STX8: variants seen among roughly 807,000 people sequenced by gnomAD.
STX8 encodes the protein syntaxin 8.
STX8 carries 23 observed loss-of-function variants against 37.5 expected under a neutral mutation model. The observed-to-expected ratio is 0.61, with a 90% confidence interval of 0.44 to 0.87. The LOEUF is 0.87. STX8 is among the 40% of genes least tolerant of loss of function. The pLI, the probability that STX8 is intolerant of heterozygous loss-of-function variation, is 0.00. For missense variants in STX8, 313 were observed against 284.7 expected (o/e 1.10, Z -0.71); for synonymous variants, 115 against 99.1 (o/e 1.16, Z -0.95).
Position 9,454,504 on chromosome 17 carries a change from C to T in STX8, c.541+37325G>A, listed in dbSNP as rs1000784724. Among the ~76,000 whole-genome samples the T allele has an allele frequency of 7.9e-5, 12 of 151,630 alleles. No individual in the cohort carries two copies. In the East Asian group the frequency reaches 1.9e-3, roughly 25 times the overall value. ...CCATCCTGGCTAACACAGTGAAACC[C>T]CATCTCTACTAAAAAAATACAAAAA... On this transcript the variant is annotated intron_variant, in intron 6 of 7. Transcript: ENST00000306357.
chr17:9,327,295 GAAGA>G (rs138757400), intron 7 of STX8, among the ~76,000 whole-genome samples: 7,842 of 149,864 alleles, frequency 0.052, 681 homozygotes, highest in African/African-American at 0.18. Context: ...GAAAGAAGAA[GAAGA>G]AAGAAAGAAG....
At chr17:9,415,805 A>G (rs910631243) in intron 6 of STX8, among the ~76,000 whole-genome samples, 4 of 152,160 alleles carry the variant, frequency 2.6e-5, no homozygotes, top group Non-Finnish European at 5.9e-5. Flanking sequence ...TTTCTTCTGT[A>G]TCATCTTATC....
chr17:9,431,211 A>AGGGGTT (rs1913956633), intron 6 of STX8, among the ~76,000 whole-genome samples: 1 of 130,850 alleles, frequency 7.6e-6, no homozygotes, highest in South Asian at 2.5e-4. Flanking sequence ...GGGTAGTAGC[A>AGGGGTT]TTTTTGTTGT....
In STX8 at chr17:9,296,999, A is replaced by C. The variant is rs537704045; in HGVS notation, c.644-46354T>G. Among the ~76,000 whole-genome samples the C allele has an allele frequency of 5.9e-5, 9 of 152,338 alleles. No homozygotes were observed. In the South Asian group the frequency reaches 1.7e-3, roughly 28 times the overall value. On this transcript the variant is annotated intron_variant, in intron 7 of 7. Coordinates refer to ENST00000306357, the MANE Select transcript of STX8 (RefSeq NM_004853.3). Reference sequence around the variant, plus strand: ...GTCAAGAGACAAGCTCAATGAATTTACTAGTTGCCTTATCTTGTAAATGGG... The same window carrying C: ...GTCAAGAGACAAGCTCAATGAATTTCCTAGTTGCCTTATCTTGTAAATGGG...
At chr17:9,424,146 T>C (rs113139403) in intron 6 of STX8, among the ~76,000 whole-genome samples, 3 of 152,138 alleles carry the variant, frequency 2.0e-5, no homozygotes, top group African/African-American at 7.2e-5. Flanking sequence ...ACACCTTGGG[T>C]TCCCTGGCTG....
In STX8 at chr17:9,491,898, G is replaced by C. The variant is rs746265625; in HGVS notation, c.472C>G (p.Leu158Val). The change falls in exon 6 of 8, where the codon CTT (leucine) becomes GTT (valine). Residue 158 changes from leucine (L) to valine (V), a missense_variant. By Grantham distance (32) the Leu-to-Val change is conservative. Transcript: ENST00000306357. ...TTTTGGCGACTTATGATAGAGGAAA[G>C]GGCATCAAGGCCTGCGTCCTGTTCT... is the stretch of plus-strand genomic sequence containing the variant. ...IQEQDAGLDA[L>V]SSIISRQKQM... is the part of the protein sequence containing the mutation. 6.8e-6 allele frequency: 11 copies of C among 1,613,010 alleles called. No homozygotes were observed. Among genetic ancestry groups the C allele is most frequent in the East Asian group, 4.5e-5 (2 of 44,860 alleles).
At chr17:9,416,114 G>C (rs1055187816) in intron 6 of STX8, among the ~76,000 whole-genome samples, 3 of 152,160 alleles carry the variant, frequency 2.0e-5, no homozygotes, top group Admixed American at 6.5e-5. Context: ...AAGGTTTCCT[G>C]TTACCTTACA....
intron 4 of STX8, among the ~76,000 whole-genome samples, chr17:9,530,714 C>T (rs891015751): frequency 2.0e-5 from 3 of 152,202 alleles, no homozygotes; most frequent in Non-Finnish European, 4.4e-5. Flanking sequence ...AGATACATTT[C>T]CTATGTCAAA....
chr17:9,471,914 C>T (rs1449429271), intron 6 of STX8, among the ~76,000 whole-genome samples: 3 of 152,128 alleles, frequency 2.0e-5, no homozygotes, highest in East Asian at 1.9e-4. Context: ...AGTCCATTCC[C>T]GCTATTCACA....
intron 5 of STX8, among the ~76,000 whole-genome samples, chr17:9,498,873 G>A (rs1045055344): frequency 2.6e-5 from 4 of 152,212 alleles, no homozygotes; most frequent in Non-Finnish European, 4.4e-5. Context: ...GGACAAGGGT[G>A]TATAATAACC....
At chr17:9,260,764 C>T (rs897687832) in intron 7 of STX8, among the ~76,000 whole-genome samples, 1 of 152,154 alleles carries the variant, frequency 6.6e-6, no homozygotes, top group African/African-American at 2.4e-5. Flanking sequence ...CACCTGGCAC[C>T]CTCCTCACCC....
chr17:9,379,184 G>A (rs1911705505), intron 6 of STX8, among the ~76,000 whole-genome samples: 1 of 149,034 alleles, frequency 6.7e-6, no homozygotes, highest in African/African-American at 2.5e-5. Context: ...GGCAGAGGTT[G>A]CACTGAGCCA....
intron 2 of STX8, among the ~76,000 whole-genome samples, chr17:9,564,942 T>C (rs1327962895): frequency 1.3e-5 from 2 of 152,206 alleles, no homozygotes; most frequent in African/African-American, 2.4e-5. Flanking sequence ...GCGCAGTGGC[T>C]CATGCCTGTA....
intron 4 of STX8, among the ~76,000 whole-genome samples, chr17:9,529,040 G>A (rs1438515608): frequency 2.0e-5 from 3 of 152,194 alleles, no homozygotes; most frequent in Non-Finnish European, 4.4e-5. Context: ...ATGGAGGGAA[G>A]AGGGAAACCG....
At chr17:9,545,360 A>G in intron 3 of STX8, 78 bp from the exon 4 acceptor site, 1 of 1,091,050 alleles carries the variant, frequency 9.2e-7, no homozygotes, top group Non-Finnish European at 1.4e-6. Context: ...TAGCTCTTCA[A>G]GTCAGTTGTG....
At chr17:9,368,417 T>C (rs189071575) in intron 7 of STX8, among the ~76,000 whole-genome samples, 223 of 152,208 alleles carry the variant, frequency 1.5e-3, no homozygotes, top group African/African-American at 5.2e-3. Flanking sequence ...GGCAGGAGAA[T>C]GGCATGAACC....
At chr17:9,415,698 G>A (rs1048325952) in intron 6 of STX8, among the ~76,000 whole-genome samples, 1 of 152,158 alleles carries the variant, frequency 6.6e-6, no homozygotes, top group Admixed American at 6.5e-5. Flanking sequence ...GAACCCGGTA[G>A]GTGGAGCTTG....
At chr17:9,412,768 A>C in intron 6 of STX8, among the ~76,000 whole-genome samples, 1 of 152,150 alleles carries the variant, frequency 6.6e-6, no homozygotes, top group East Asian at 1.9e-4. Context: ...TTCTGTCAAA[A>C]TACATATTTG....
At chr17:9,417,789 G>C (rs1913252477) in intron 6 of STX8, among the ~76,000 whole-genome samples, 1 of 152,146 alleles carries the variant, frequency 6.6e-6, no homozygotes. Flanking sequence ...CCTATGTAAT[G>C]GAACCTCCAC....
Sources: allele counts gnomAD v4.1 joint callset (sites outside exome capture counted in the v4.1 genomes callset), GRCh38; gene constraint gnomAD v4.1.1; transcripts MANE v1.5; gene names NCBI Gene and HGNC (gene_info 2026-07-23, HGNC 2026-07-21).